The following CLIP2 variants were observed in gnomAD, a reference collection of about 807,000 sequenced individuals.
CLIP2 encodes CAP-Gly domain containing linker protein 2.
A neutral mutation model predicts 111.7 loss-of-function variants in CLIP2; 41 were observed. The observed-to-expected ratio is 0.37, with a 90% CI of 0.29 to 0.48. The LOEUF (loss-of-function observed/expected upper bound fraction) is 0.48. CLIP2 is among the 20% of genes least tolerant of loss of function. The pLI, the probability that CLIP2 is intolerant of heterozygous loss-of-function variation, is 0.99. For synonymous variants in CLIP2, 660 were observed against 644.2 expected, an observed-to-expected ratio of 1.02 and a Z score of -0.37; for missense variants, 1,160 against 1,422.1, an observed-to-expected ratio of 0.82 and a Z score of 2.96.
intron 8 of CLIP2, among the ~76,000 whole-genome samples, chr7:74,369,383 A>G (rs1790543503): frequency 6.6e-5 from 10 of 151,668 alleles, no homozygotes; most frequent in Admixed American, 6.6e-4. Flanking sequence ...AACAAAATAA[A>G]TAAAATAAAA....
chr7:74,332,757 TG>T (rs782581085), intron 2 of CLIP2, among the ~76,000 whole-genome samples: 1 of 152,192 alleles, frequency 6.6e-6, no homozygotes, highest in Non-Finnish European at 1.5e-5. Flanking sequence ...TACCACATTT[TG>T]GGTTCCTTCC....
At chr7:74,393,059 G>A (rs544750323) in intron 13 of CLIP2, among the ~76,000 whole-genome samples, 5 of 145,220 alleles carry the variant, frequency 3.4e-5, no homozygotes, top group African/African-American at 5.1e-5. Context: ...TTTTTGAGAC[G>A]GAGTCTTACT....
intron 8 of CLIP2, among the ~76,000 whole-genome samples, chr7:74,369,751 G>A (rs1790553854): frequency 8.9e-6 from 1 of 112,234 alleles, no homozygotes; most frequent in Non-Finnish European, 1.9e-5. Context: ...CAGCTACTCG[G>A]AAGGCTGAGG....
intron 1 of CLIP2, among the ~76,000 whole-genome samples, chr7:74,304,080 AT>A (rs112127357): frequency 7.7e-4 from 113 of 146,484 alleles, no homozygotes; most frequent in Non-Finnish European, 6.5e-4. Context: ...TGCCTGGCTA[AT>A]TTTTTTTTTT....
chr7:74,376,363 G>A lies in CLIP2; in HGVS notation c.1962G>A (p.Glu654=). ...KEIGELKAVM[E]GIKMEHQLEL... is the part of the protein sequence containing the mutation. ...TCGGCGAGCTGAAGGCAGTGATGGAGGGCATCAAGATGGAGCACCAGCTGG... is the reference window on the plus strand; with the variant it reads ...TCGGCGAGCTGAAGGCAGTGATGGAAGGCATCAAGATGGAGCACCAGCTGG... Residue 654 remains glutamate, a synonymous_variant, in exon 10 of 17, where the codon GAG becomes GAA. Transcript: ENST00000223398. This position sits in a 1 kb window ranked among gnomAD's most constrained non-coding sequence, Gnocchi z 7.1. 2 of 1,614,002 alleles carry A rather than the reference G, an allele frequency of 1.2e-6. No homozygotes were observed. The highest frequency in any genetic ancestry group is 1.6e-4 in the Middle Eastern group (1 of 6,062).
At chr7:74,337,221 G>A (rs1789498587) in intron 2 of CLIP2, among the ~76,000 whole-genome samples, 1 of 152,098 alleles carries the variant, frequency 6.6e-6, no homozygotes, top group Non-Finnish European at 1.5e-5. Flanking sequence ...TGGACCCTGA[G>A]GCCTTAGGCT....
chr7:74,377,400 C>T (rs1436237741), intron 10 of CLIP2, among the ~76,000 whole-genome samples: 1 of 152,204 alleles, frequency 6.6e-6, no homozygotes, highest in Non-Finnish European at 1.5e-5. Flanking sequence ...GTCGCTGTCA[C>T]CAATGTCAAT....
intron 15 of CLIP2, among the ~76,000 whole-genome samples, chr7:74,400,773 G>C (rs1048997341): frequency 2.0e-5 from 3 of 152,062 alleles, no homozygotes; most frequent in Non-Finnish European, 4.4e-5. Context: ...CAGTCTGAAG[G>C]GGGAGGCAGC....
Position 74,390,050 on chromosome 7 carries a change from T to C in CLIP2, c.2720+791T>C, listed in dbSNP as rs541896187. On this transcript the variant is annotated intron_variant, in intron 13 of 16. Transcript: ENST00000223398. ...GCTGCAGTCAGCTATGGCATACCAC[T>C]GCACTCCAGCCGGGGCAATAGAGCA... 3.8e-3 allele frequency among the ~76,000 whole-genome samples: 527 copies of C among 139,786 alleles called. 2 individuals are homozygous for C. The highest frequency in any genetic ancestry group is 6.0e-3 in the Non-Finnish European group (394 of 66,118). 91.7% of individuals were successfully genotyped at this position (139,786 alleles called of 152,430 possible). A position where few individuals can be genotyped will look rare whatever the true frequency, so the allele number is the denominator to read the frequency against.
chr7:74,372,416 A>AG (rs1790654509), intron 8 of CLIP2, among the ~76,000 whole-genome samples: 1 of 33,816 alleles, frequency 3.0e-5, no homozygotes, highest in Non-Finnish European at 5.8e-5. Flanking sequence ...GGGGGGGGGG[A>AG]GTCGAGCGGG....
At chr7:74,318,429 T>C (rs1788849519) in intron 2 of CLIP2, among the ~76,000 whole-genome samples, 1 of 151,862 alleles carries the variant, frequency 6.6e-6, no homozygotes. Flanking sequence ...AAACTGTAAT[T>C]GAGCTGGGCA....
intron 2 of CLIP2, among the ~76,000 whole-genome samples, chr7:74,328,925 A>T (rs982450202): frequency 2.0e-5 from 3 of 148,338 alleles, no homozygotes; most frequent in Admixed American, 6.8e-5. Flanking sequence ...ATATATATAT[A>T]TTTTTGAGAC....
Position 74,317,596 on chromosome 7 carries a change from C to T in CLIP2, c.50C>T (p.Ser17Phe). The T allele has an allele frequency of 6.6e-7, 1 of 1,519,864 alleles. No homozygotes were observed. Among genetic ancestry groups the T allele is most frequent in the South Asian group, 1.3e-5 (1 of 78,780 alleles). 94.1% of individuals were successfully genotyped at this position (1,519,864 alleles called of 1,614,324 possible). A position where few individuals can be genotyped will look rare whatever the true frequency, so the allele number is the denominator to read the frequency against. ...LKPPGRGGKH[S>F]SPMGRTSTGS... ...CCCCCCGGCCGTGGGGGGAAGCACT[C>T]CAGCCCCATGGGCCGGACATCTACT... The change falls in exon 2 of 17, where the codon TCC (serine) becomes TTC (phenylalanine). Residue 17 changes from serine to phenylalanine, a missense_variant. Ser to Phe is a radical substitution (Grantham distance 155). Around this residue, in one of 5 missense-constraint regions of CLIP2, gnomAD observed 301 missense variants for 315.2 expected, o/e 0.96. Coordinates refer to ENST00000223398, the MANE Select transcript of CLIP2 (RefSeq NM_003388.5).
chr7:74,341,385 C>A (rs1554305359), intron 3 of CLIP2, among the ~76,000 whole-genome samples: 1 of 151,790 alleles, frequency 6.6e-6, no homozygotes, highest in Non-Finnish European at 1.5e-5. Flanking sequence ...GATAGGGTTT[C>A]ACCATGTTGG....
At chr7:74,345,123 ACATGT>A in intron 3 of CLIP2, among the ~76,000 whole-genome samples, 1 of 152,214 alleles carries the variant, frequency 6.6e-6, no homozygotes, top group Non-Finnish European at 1.5e-5. Flanking sequence ...TGTGCCAGGC[ACATGT>A]AGTTGGCCCT....
At chr7:74,372,761 T>C (rs1790665120) in intron 8 of CLIP2, among the ~76,000 whole-genome samples, 171 bp from the exon 9 acceptor site, 1 of 151,252 alleles carries the variant, frequency 6.6e-6, no homozygotes, top group African/African-American at 2.4e-5. Flanking sequence ...TTCCTCTCTT[T>C]CGCTGAGCAA....
chr7:74,345,680 C>T (rs1436307332), intron 3 of CLIP2, among the ~76,000 whole-genome samples: 1 of 151,734 alleles, frequency 6.6e-6, no homozygotes, highest in Non-Finnish European at 1.5e-5. Flanking sequence ...AACCCCGTCT[C>T]TGCTAAAGGT....
chr7:74,373,508 C>T (rs1790696278), intron 9 of CLIP2, among the ~76,000 whole-genome samples: 1 of 151,810 alleles, frequency 6.6e-6, no homozygotes, highest in Non-Finnish European at 1.5e-5. Context: ...AAAAACAAAA[C>T]AAAAAGAAAT....
chr7:74,308,624 C>T (rs985119489), intron 1 of CLIP2, among the ~76,000 whole-genome samples: 2 of 152,082 alleles, frequency 1.3e-5, no homozygotes, highest in African/African-American at 4.8e-5. Flanking sequence ...CCTGCCTCCA[C>T]CTCCCAAGTA....
Sources: gnomAD v4.1 joint callset for allele counts (sites outside exome capture counted in the v4.1 genomes callset) on GRCh38, gnomAD v4.1.1 for gene constraint, gnomAD v4.1.1 regional missense constraint, Gnocchi (gnomAD v3.1) non-coding constraint, MANE v1.5 for transcripts, NCBI Gene and HGNC (gene_info 2026-07-23, HGNC 2026-07-21) for gene names.